ATP8B4: variants seen among roughly 807,000 people sequenced by gnomAD.
ATP8B4 encodes ATPase phospholipid transporting 8B4 (putative).
A neutral mutation model predicts 145.6 loss-of-function variants in ATP8B4; 133 were observed. The observed-to-expected ratio is 0.91, with a 90% CI of 0.79 to 1.05. The LOEUF is 1.05. Ranked by LOEUF, ATP8B4 falls within the 50% of genes least tolerant of loss-of-function variation. ATP8B4 has a pLI of 0.00. For missense variants in ATP8B4, 1,458 were observed against 1,425.2 expected (o/e 1.02, Z -0.37); for synonymous variants, 507 against 492.9 (o/e 1.03, Z -0.38).
In ATP8B4 at chr15:50,072,980, C is replaced by CTATATA. The variant is rs374525582; in HGVS notation, c.87+1141_87+1146dup. On this transcript the variant is annotated intron_variant, in intron 3 of 27. Transcript: ENST00000284509. ...TCTCTCTCTCTCTCTCTCTCTCTCT[C>CTATATA]TATATATATATATATATATATATAT... is the stretch of plus-strand genomic sequence containing the variant. Among the ~76,000 whole-genome samples, 79 of 22,828 alleles carry CTATATA rather than the reference C, an allele frequency of 3.5e-3. 1 individual carries two copies. The highest frequency in any genetic ancestry group is 4.5e-3 in the Non-Finnish European group (60 of 13,394). The allele number at this position is 22,828 out of a possible 152,430, so 15.0% of individuals were successfully genotyped here. A position where few individuals can be genotyped will look rare whatever the true frequency, so the allele number is the denominator to read the frequency against.
intron 9 of ATP8B4, among the ~76,000 whole-genome samples, chr15:49,991,597 T>A (rs1158628175): frequency 6.6e-6 from 1 of 152,186 alleles, no homozygotes; most frequent in Non-Finnish European, 1.5e-5. Context: ...TTAGATCAAG[T>A]TATGTATCTT....
At chr15:49,929,173 A>C (rs1005174394) in intron 16 of ATP8B4, among the ~76,000 whole-genome samples, 1 of 152,154 alleles carries the variant, frequency 6.6e-6, no homozygotes, top group Non-Finnish European at 1.5e-5. Flanking sequence ...AGGCCTTAAA[A>C]GACCAGATTT....
At chr15:49,916,848 T>C (rs143510458) in intron 20 of ATP8B4, 86 bp downstream of exon 20, 2 of 1,281,836 alleles carry the variant, frequency 1.6e-6, no homozygotes, top group African/African-American at 1.5e-5. Flanking sequence ...AACTATAGCA[T>C]AGCTTTTCAC....
rs565605908 is a variant in ATP8B4, at chr15:50,043,681, C to T, written c.300+913G>A. Among the ~76,000 whole-genome samples the T allele has an allele frequency of 4.9e-4, 74 of 152,140 alleles. 1 individual carries two copies. The highest frequency in any genetic ancestry group is 7.8e-4 in the Non-Finnish European group (53 of 68,018). On this transcript the variant is annotated intron_variant, in intron 5 of 27. Coordinates refer to ENST00000284509, the MANE Select transcript of ATP8B4 (RefSeq NM_024837.4). ...ATAAGAATACAGTGTAGGCCGGGCGCGGTGGCTCACGCCTGTAATCCCAGC... is the reference window on the plus strand; with the variant it reads ...ATAAGAATACAGTGTAGGCCGGGCGTGGTGGCTCACGCCTGTAATCCCAGC...
chr15:49,921,090 CA>C (rs1186918740), intron 17 of ATP8B4, among the ~76,000 whole-genome samples: 9 of 152,212 alleles, frequency 5.9e-5, no homozygotes, highest in Non-Finnish European at 1.2e-4. Context: ...ACCTCTAGGG[CA>C]AAAGGGGAGA....
At chr15:49,897,233 T>C in intron 23 of ATP8B4, 59 bp downstream of exon 23, 1 of 1,473,068 alleles carries the variant, frequency 6.8e-7, no homozygotes, top group Non-Finnish European at 9.3e-7. Flanking sequence ...AAGAGTCATT[T>C]GTAATATCAT....
intron 23 of ATP8B4, among the ~76,000 whole-genome samples, chr15:49,881,532 G>A (rs2035416998): frequency 6.6e-6 from 1 of 152,172 alleles, no homozygotes; most frequent in Non-Finnish European, 1.5e-5. Context: ...GACAGCTGCA[G>A]CCACGTGAAG....
intron 2 of ATP8B4, among the ~76,000 whole-genome samples, chr15:50,082,427 G>T (rs2054614428): frequency 6.6e-6 from 1 of 152,180 alleles, no homozygotes; most frequent in Non-Finnish European, 1.5e-5. Context: ...AGAGAGCTTG[G>T]AAACAAAGTT....
chr15:49,930,994 G>A (rs1455924860), intron 16 of ATP8B4, 125 bp downstream of exon 16: 2 of 1,049,082 alleles, frequency 1.9e-6, no homozygotes, highest in Non-Finnish European at 2.8e-6. Flanking sequence ...CAACACAAGA[G>A]TTTATACATA....
At chr15:50,071,418 C>T (rs887748384) in intron 3 of ATP8B4, among the ~76,000 whole-genome samples, 4 of 152,170 alleles carry the variant, frequency 2.6e-5, no homozygotes, top group Non-Finnish European at 5.9e-5. Context: ...CGAAATAAGG[C>T]TTTCCTTATA....
intron 12 of ATP8B4, among the ~76,000 whole-genome samples, 189 bp downstream of exon 12, chr15:49,979,428 T>G (rs755889797): frequency 1.2e-4 from 19 of 152,308 alleles, no homozygotes; most frequent in Non-Finnish European, 2.4e-4. Context: ...TTAACCGCAT[T>G]TATTGTAATT....
Position 49,955,218 on chromosome 15 carries a change from G to A in ATP8B4, c.1287+6759C>T, listed in dbSNP as rs547448033. ...ACAGGAGCTGAAAAACTACCTCTTG[G>A]GTACTGTGCTTACTACCTGGGTGAT... On this transcript the variant is annotated intron_variant, in intron 14 of 27. Coordinates refer to ENST00000284509, the MANE Select transcript of ATP8B4 (RefSeq NM_024837.4). Among the ~76,000 whole-genome samples the A allele has an allele frequency of 7.2e-5, 11 of 152,196 alleles. No individual in the cohort carries two copies. The South Asian group carries it at 2.3e-3, about 32-fold the overall frequency.
chr15:49,966,687 G>C (rs1215296331), intron 13 of ATP8B4, among the ~76,000 whole-genome samples: 2 of 152,148 alleles, frequency 1.3e-5, no homozygotes, highest in Non-Finnish European at 2.9e-5. Context: ...GGCTGTGCGC[G>C]CAGCGTCAGC....
At chr15:50,125,396 A>G (rs942045889) in intron 1 of ATP8B4, among the ~76,000 whole-genome samples, 1 of 152,124 alleles carries the variant, frequency 6.6e-6, no homozygotes, top group Middle Eastern at 3.2e-3. Context: ...CCTACCCCTT[A>G]TATGACACTT....
chr15:50,117,208 C>T (rs28661936), intron 1 of ATP8B4, among the ~76,000 whole-genome samples: 16,359 of 152,062 alleles, frequency 0.11, 1,133 homozygotes, highest in African/African-American at 0.19. Flanking sequence ...CACCACCATG[C>T]CTGGTAAATT....
intron 5 of ATP8B4, among the ~76,000 whole-genome samples, chr15:50,042,966 C>T (rs2051419202): frequency 6.6e-6 from 1 of 152,182 alleles, no homozygotes; most frequent in African/African-American, 2.4e-5. Flanking sequence ...TTATATTAAA[C>T]ATAAATGGGT....
At chr15:50,087,288 TATAGATCTATATCTATTATATATA>T (rs2055253320) in intron 2 of ATP8B4, among the ~76,000 whole-genome samples, 1 of 135,874 alleles carries the variant, frequency 7.4e-6, no homozygotes, top group African/African-American at 2.7e-5. Flanking sequence ...TAGAATAATA[TATAGATCTATATCTATTATATATA>T]ATAGATATAG....
rs2044544887 is a variant in ATP8B4 at position 50,163,048 on chromosome 15, G to C, written c.-43+19213C>G. Among the ~76,000 whole-genome samples the C allele has an allele frequency of 3.3e-5, 5 of 152,072 alleles. No individual in the cohort carries two copies. The South Asian group carries it at 1.0e-3, about 32-fold the overall frequency. On this transcript the variant is annotated intron_variant, in intron 1 of 3. Coordinates refer to the ATP8B4 transcript ENST00000558829. ...CCTGTGTTATCTTGAATTCCATTAA[G>C]GTTTCTCAAAACAGTTATTTTGTCT... is the stretch of plus-strand genomic sequence containing the variant.
chr15:49,924,375 G>A (rs750171516), intron 16 of ATP8B4, among the ~76,000 whole-genome samples: 8 of 152,242 alleles, frequency 5.3e-5, no homozygotes, highest in Non-Finnish European at 4.4e-5. Context: ...TACAACTTAA[G>A]ACAACTGCCT....
Sources: gnomAD v4.1 joint callset for allele counts (sites outside exome capture counted in the v4.1 genomes callset) on GRCh38, gnomAD v4.1.1 for gene constraint, MANE v1.5 for transcripts, NCBI Gene and HGNC (gene_info 2026-07-23, HGNC 2026-07-21) for gene names.